Variants in FRAS1 observed in about 807,000 individuals in gnomAD.
FRAS1 encodes the protein Fraser extracellular matrix complex subunit 1.
In FRAS1, 290 loss-of-function variants were observed where a neutral mutation model predicts 435.2. The observed-to-expected ratio is 0.67, with a 90% CI of 0.61 to 0.73. The LOEUF (loss-of-function observed/expected upper bound fraction) is 0.73. Among genes scored for constraint, FRAS1 ranks in the 30% least tolerant of loss-of-function variants. The pLI, the probability that FRAS1 is intolerant of heterozygous loss-of-function variation, is 0.00. For missense variants in FRAS1, 4,860 were observed against 5,001.5 expected, an observed-to-expected ratio of 0.97 and a Z score of 0.85; for synonymous variants, 1,800 against 1,851.0, an observed-to-expected ratio of 0.97 and a Z score of 0.71.
chr4:78,463,796 G>A (rs1280064636), intron 47 of FRAS1, among the ~76,000 whole-genome samples: 2 of 152,214 alleles, frequency 1.3e-5, no homozygotes, highest in East Asian at 3.8e-4. Context: ...TGTTGGCTTT[G>A]CGCATAGAAG....
rs112671180 is a variant in FRAS1 at position 78,132,851 on chromosome 4, C to T, written c.108+66835C>T. On this transcript the variant is annotated intron_variant, in intron 2 of 73. Transcript: ENST00000512123. ...TGGTTTGGCTCACCTAGGGGAGATA[C>T]TAGGGCCTGCATGGAAGGAATGGTT... Among the ~76,000 whole-genome samples the T allele has an allele frequency of 1.3e-3, 205 of 152,174 alleles. 1 individual carries two copies. The highest frequency in any genetic ancestry group is 4.7e-3 in the African/African-American group (197 of 41,498).
At chr4:78,375,927 C>T (rs768355039) in intron 26 of FRAS1, 48 bp downstream of exon 26, 16 of 1,599,280 alleles carry the variant, frequency 1.0e-5, no homozygotes, top group Middle Eastern at 1.7e-4. Context: ...AATAATTTCT[C>T]TATGTGAAGG....
At chr4:78,361,473 T>C (rs1055391674) in intron 20 of FRAS1, among the ~76,000 whole-genome samples, 7 of 152,216 alleles carry the variant, frequency 4.6e-5, no homozygotes, top group African/African-American at 1.7e-4. Context: ...ACTGTTAGTT[T>C]GTATGTTGCC....
rs1219659631 is a variant in FRAS1 at position 78,065,221 on chromosome 4, G to A, written c.77-764G>A. On this transcript the variant is annotated intron_variant, in intron 1 of 73. Coordinates refer to ENST00000512123, the MANE Select transcript of FRAS1 (RefSeq NM_025074.7). The stretch of plus-strand genomic sequence containing the variant: ...ATATACTATATATGTACTATATATG[G>A]TATATAGTATATAGTGGGTATACAT... Among the ~76,000 whole-genome samples the A allele has an allele frequency of 2.1e-5, 3 of 146,188 alleles. No homozygotes were observed. The East Asian group carries it at 5.9e-4, about 29-fold the overall frequency.
intron 2 of FRAS1, chr4:78,070,556 C>G (rs1740291287): frequency 6.6e-6 from 1 of 152,130 alleles, no homozygotes; most frequent in Admixed American, 6.5e-5. Context: ...CCCATGCACC[C>G]CTGGGCTCAC....
rs760250994 is a variant in FRAS1, at chr4:78,363,575, A to G, written c.2485A>G (p.Arg829Gly). 2 of 1,612,792 alleles carry G rather than the reference A, an allele frequency of 1.2e-6. No homozygotes were observed. The highest frequency in any genetic ancestry group is 1.1e-5 in the South Asian group (1 of 90,630). ...CCACAACACTGGGAGCATCTGCCTC[A>G]GGTGCCAGAATGCCCACTACCTGCT... ...DLHNTGSICL[R>G]CQNAHYLLLG... The change falls in exon 21 of 74, where the codon AGG becomes GGG. Residue 829 changes from arginine to glycine, a missense_variant. Arg to Gly is a moderately radical substitution (Grantham distance 125). Coordinates refer to ENST00000512123, the MANE Select transcript of FRAS1 (RefSeq NM_025074.7).
rs374361508 is a variant in FRAS1, at chr4:78,235,611, C to G, written c.109-1899C>G. On this transcript the variant is annotated intron_variant, in intron 2 of 73. Transcript: ENST00000512123. The stretch of plus-strand genomic sequence containing the variant: ...GGATAGTTCCCACTTCAGGCACCCA[C>G]AGTCTGGTCCAGCAAGGCTAACAGG... Among the ~76,000 whole-genome samples, 4 of 152,268 alleles carry G rather than the reference C, an allele frequency of 2.6e-5. No homozygotes were observed. In the East Asian group the frequency reaches 7.7e-4, roughly 29 times the overall value.
chr4:78,534,170 TG>T (rs1190617874), intron 70 of FRAS1, among the ~76,000 whole-genome samples: 1 of 152,178 alleles, frequency 6.6e-6, no homozygotes, highest in East Asian at 1.9e-4. Context: ...AGGGCAATTT[TG>T]GGAGCCCCCA....
At chr4:78,343,017 T>A (rs1168696337) in intron 20 of FRAS1, among the ~76,000 whole-genome samples, 4 of 152,192 alleles carry the variant, frequency 2.6e-5, no homozygotes, top group Non-Finnish European at 5.9e-5. Context: ...CATACTGTAT[T>A]CCTATTCCAC....
chr4:78,443,265 G>A lies in FRAS1; in HGVS notation c.5665+1968G>A, dbSNP rs190471770. ...CCCAGCTACTTGGGAGGCTGAGGCA[G>A]GAGGATCAGTTGAGCCCAGGAATTT... On this transcript the variant is annotated intron_variant, in intron 41 of 73. Coordinates refer to ENST00000512123, the MANE Select transcript of FRAS1 (RefSeq NM_025074.7). Among the ~76,000 whole-genome samples, 264 of 152,298 alleles carry A rather than the reference G, an allele frequency of 1.7e-3. 1 individual carries two copies. The highest frequency in any genetic ancestry group is 6.0e-3 in the African/African-American group (248 of 41,554).
At chr4:78,450,782 TA>T in intron 45 of FRAS1, among the ~76,000 whole-genome samples, 1 of 152,248 alleles carries the variant, frequency 6.6e-6, no homozygotes, top group South Asian at 2.1e-4. Context: ...CGGAGCTGCC[TA>T]GGGGAAATTA....
intron 5 of FRAS1, among the ~76,000 whole-genome samples, chr4:78,254,177 T>A (rs1725682938): frequency 1.3e-5 from 2 of 152,130 alleles, no homozygotes; most frequent in Admixed American, 1.3e-4. Context: ...TGGATCTGTG[T>A]CCCCTTCCAT....
intron 29 of FRAS1, among the ~76,000 whole-genome samples, chr4:78,390,480 A>G (rs1413614267): frequency 6.6e-6 from 1 of 152,196 alleles, no homozygotes; most frequent in African/African-American, 2.4e-5. Context: ...ACATTTAACC[A>G]TGAGACTCTT....
At chr4:78,460,392 C>A (rs550068643) in intron 47 of FRAS1, among the ~76,000 whole-genome samples, 5 of 152,304 alleles carry the variant, frequency 3.3e-5, no homozygotes, top group African/African-American at 9.6e-5. Context: ...TAAAACCCTT[C>A]AAGATATTTC....
intron 40 of FRAS1, among the ~76,000 whole-genome samples, chr4:78,440,798 T>A (rs1267040072): frequency 1.3e-5 from 2 of 152,214 alleles, no homozygotes; most frequent in Admixed American, 1.3e-4. Flanking sequence ...TCTATCATTC[T>A]CTAGCTGTGG....
intron 20 of FRAS1, among the ~76,000 whole-genome samples, chr4:78,354,838 A>G (rs1292424838): frequency 6.6e-6 from 1 of 152,206 alleles, no homozygotes; most frequent in Non-Finnish European, 1.5e-5. Context: ...GACAGTACAC[A>G]TTTACTTTAA....
intron 2 of FRAS1, among the ~76,000 whole-genome samples, chr4:78,199,264 C>A (rs899516733): frequency 1.4e-4 from 22 of 152,108 alleles, no homozygotes; most frequent in Admixed American, 1.2e-3. Context: ...CAAATGAGTT[C>A]TATTAGTTTG....
chr4:78,100,897 G>A (rs766458512), intron 2 of FRAS1, among the ~76,000 whole-genome samples: 1 of 152,192 alleles, frequency 6.6e-6, no homozygotes, highest in Non-Finnish European at 1.5e-5. Context: ...GGGAACTTTT[G>A]TTGAGAAATC....
At chr4:78,181,126 T>A in intron 2 of FRAS1, 1 of 1,572,862 alleles carries the variant, frequency 6.4e-7, no homozygotes, top group African/African-American at 1.3e-5. Context: ...TGAAAACAAA[T>A]CCCTTCTTCC....
Sources: allele counts gnomAD v4.1 joint callset (sites outside exome capture counted in the v4.1 genomes callset), GRCh38; gene constraint gnomAD v4.1.1; transcripts MANE v1.5; gene names NCBI Gene and HGNC (gene_info 2026-07-23, HGNC 2026-07-21).